TMOD2: variants seen among roughly 807,000 people sequenced by gnomAD.
The protein encoded by TMOD2 is tropomodulin-2.
In TMOD2, 22 loss-of-function variants were observed where a neutral mutation model predicts 39.9. The ratio of observed to expected loss-of-function variants is 0.55; its 90% CI spans 0.39 to 0.79. The LOEUF is 0.79. TMOD2 is among the 30% of genes least tolerant of loss of function. TMOD2 has a pLI of 0.00. For synonymous variants in TMOD2, 123 were observed against 146.1 expected (o/e 0.84, Z 1.14); for missense variants, 386 against 413.3 (o/e 0.93, Z 0.57).
At chr15:51,801,219 T>TCC (rs2056084960) in intron 8 of TMOD2, among the ~76,000 whole-genome samples, 2 of 79,004 alleles carry the variant, frequency 2.5e-5, no homozygotes, top group South Asian at 4.0e-4. Flanking sequence ...TCTCTCTCCC[T>TCC]CTCTCTCTCT....
At chr15:51,758,907 C>T (rs1169345973) in intron 1 of TMOD2, among the ~76,000 whole-genome samples, 2 of 151,792 alleles carry the variant, frequency 1.3e-5, no homozygotes, top group South Asian at 4.2e-4. Flanking sequence ...AGGCTGGAGC[C>T]AGGAGGAGAT....
chr15:51,803,040 A>G (rs1272553687), intron 8 of TMOD2, among the ~76,000 whole-genome samples: 7 of 152,192 alleles, frequency 4.6e-5, no homozygotes, highest in Non-Finnish European at 1.0e-4. Flanking sequence ...TCAAGATTGT[A>G]TGGTACTGGC....
At chr15:51,803,150 A>G (rs928561311) in intron 8 of TMOD2, among the ~76,000 whole-genome samples, 5 of 149,532 alleles carry the variant, frequency 3.3e-5, no homozygotes, top group Non-Finnish European at 5.9e-5. Flanking sequence ...ACAAAATTAA[A>G]TTGGGTCTCT....
Position 51,810,064 on chromosome 15 carries a change from G to A in TMOD2, c.*1610G>A, listed in dbSNP as rs2056146296. On this transcript the variant is annotated 3_prime_UTR_variant, in exon 10 of 10. Coordinates refer to ENST00000249700, the MANE Select transcript of TMOD2 (RefSeq NM_014548.4). ...TAAGCAGAATATTCTAACACCTTTG[G>A]CCCCTGAAAATCCTTTAATTAGTTT... 6.6e-6 allele frequency: 1 copy of A among 151,634 alleles called. No individual in the cohort carries two copies. Among genetic ancestry groups the A allele is most frequent in the South Asian group, 2.1e-4 (1 of 4,784 alleles). The allele number at this position is 151,634 out of a possible 1,614,324, so 9.4% of individuals were successfully genotyped here.
At chr15:51,758,175 TGA>T (rs2055755533) in intron 1 of TMOD2, among the ~76,000 whole-genome samples, 1 of 152,150 alleles carries the variant, frequency 6.6e-6, no homozygotes, top group Non-Finnish European at 1.5e-5. Flanking sequence ...TTTTCTCCTC[TGA>T]CTTTGAGATC....
chr15:51,752,208 G>C (rs768543550), intron 1 of TMOD2, among the ~76,000 whole-genome samples: 1 of 152,138 alleles, frequency 6.6e-6, no homozygotes, highest in Non-Finnish European at 1.5e-5. Flanking sequence ...GTCACTCGCA[G>C]GGCGTTTCAG....
chr15:51,784,343 G>C (rs775372791), intron 7 of TMOD2: 3 of 152,268 alleles, frequency 2.0e-5, no homozygotes, highest in Admixed American at 6.5e-5. Context: ...GTCTGGACTT[G>C]ATGGTTTGAT....
intron 5 of TMOD2, among the ~76,000 whole-genome samples, chr15:51,778,930 G>A (rs2055909978): frequency 6.6e-6 from 1 of 151,908 alleles, no homozygotes; most frequent in South Asian, 2.1e-4. Flanking sequence ...ATTATTTATA[G>A]TGGTAATTTA....
At chr15:51,764,938 C>T (rs992544798) in intron 1 of TMOD2, among the ~76,000 whole-genome samples, 3 of 152,154 alleles carry the variant, frequency 2.0e-5, no homozygotes, top group Admixed American at 6.5e-5. Context: ...CTAATACTTA[C>T]GGCATTATTG....
intron 1 of TMOD2, among the ~76,000 whole-genome samples, chr15:51,762,148 C>CAA (rs567619134): frequency 2.4e-5 from 3 of 124,292 alleles, no homozygotes; most frequent in Non-Finnish European, 3.4e-5. Flanking sequence ...GACTCTGCCT[C>CAA]AAAAAAAAAA....
intron 7 of TMOD2, among the ~76,000 whole-genome samples, chr15:51,793,292 C>G (rs897515692): frequency 6.6e-6 from 1 of 152,188 alleles, no homozygotes; most frequent in Non-Finnish European, 1.5e-5. Context: ...CATCGTAAGT[C>G]AGGGACTCTC....
At chr15:51,761,034 G>C (rs2055777072) in intron 1 of TMOD2, among the ~76,000 whole-genome samples, 1 of 152,112 alleles carries the variant, frequency 6.6e-6, no homozygotes, top group Non-Finnish European at 1.5e-5. Flanking sequence ...GGGAGCTTTG[G>C]AGCTAGATTG....
chr15:51,774,099 G>A (rs2055871638), intron 4 of TMOD2, among the ~76,000 whole-genome samples: 2 of 152,182 alleles, frequency 1.3e-5, no homozygotes, highest in Non-Finnish European at 2.9e-5. Context: ...ATGAAGGAGT[G>A]TTGAGAATTT....
chr15:51,766,547 C>G lies in TMOD2; in HGVS notation c.106C>G (p.Leu36Val), dbSNP rs2055817913. ...GGAACTGAAACAGTTGGAAAATGTT[C>G]TAGATGACCTAGATCCTGAGGTTAG... ...EEELKQLENV[L>V]DDLDPESAML... Residue 36 changes from leucine to valine, a missense_variant, in exon 2 of 10, where the codon CTA (leucine) becomes GTA (valine). Coordinates refer to ENST00000249700, the MANE Select transcript of TMOD2 (RefSeq NM_014548.4). 6.2e-7 allele frequency: 1 copy of G among 1,613,870 alleles called. No homozygotes were observed. Among genetic ancestry groups the G allele is most frequent in the Non-Finnish European group, 8.5e-7 (1 of 1,179,964 alleles).
chr15:51,780,441 T>G (rs2055921978), intron 5 of TMOD2, among the ~76,000 whole-genome samples: 1 of 152,248 alleles, frequency 6.6e-6, no homozygotes, highest in Admixed American at 6.5e-5. Flanking sequence ...AGCGTATTAT[T>G]GGTTCATTTT....
rs139150032 is a variant in TMOD2, at chr15:51,805,083, C to G, written c.877-1294C>G. On this transcript the variant is annotated intron_variant, in intron 8 of 9. Transcript: ENST00000249700. Reference sequence around the variant, plus strand: ...TAGTGATTCTCCTGCCTCAGCCTCCCAAGTAGCTGGGACTACATTTGCATG... The same window carrying G: ...TAGTGATTCTCCTGCCTCAGCCTCCGAAGTAGCTGGGACTACATTTGCATG... 8.4e-3 allele frequency among the ~76,000 whole-genome samples: 1,273 copies of G among 151,926 alleles called. 18 individuals carry two copies. The highest frequency in any genetic ancestry group is 0.03 in the African/African-American group (1,226 of 41,418).
At position 51,815,694 on chromosome 15, in the gene TMOD2, T is replaced by C. The variant is rs1179127362; in HGVS notation, c.*7240T>C. 11 of 152,232 alleles carry C rather than the reference T, an allele frequency of 7.2e-5. No individual in the cohort carries two copies. The highest frequency in any genetic ancestry group is 7.2e-4 in the Admixed American group (11 of 15,284). The allele number at this position is 152,232 out of a possible 1,614,324, so 9.4% of individuals were successfully genotyped here. On this transcript the variant is annotated 3_prime_UTR_variant, in exon 10 of 10. Transcript: ENST00000249700. ...TGGTTTAAAAACAAAAACCCTTATA[T>C]ACATGGAATAGTTATATTTTAATTA...
chr15:51,779,631 C>T (rs1255053668), intron 5 of TMOD2, among the ~76,000 whole-genome samples: 1 of 151,890 alleles, frequency 6.6e-6, no homozygotes, highest in Non-Finnish European at 1.5e-5. Flanking sequence ...GATCTGCCCA[C>T]CTCGGCCTCC....
chr15:51,763,354 A>T (rs868504398), intron 1 of TMOD2, among the ~76,000 whole-genome samples: 2 of 152,356 alleles, frequency 1.3e-5, no homozygotes, highest in African/African-American at 4.8e-5. Flanking sequence ...TCTCCTGTGC[A>T]TACATTAAAA....
Sources: gnomAD v4.1 joint callset for allele counts (sites outside exome capture counted in the v4.1 genomes callset) on GRCh38, gnomAD v4.1.1 for gene constraint, MANE v1.5 for transcripts, NCBI Gene and HGNC (gene_info 2026-07-23, HGNC 2026-07-21) for gene names.